Variants in VCAN observed in about 807,000 individuals in gnomAD.
The protein encoded by VCAN is versican, also known as versican core protein.
A neutral mutation model predicts 245.5 loss-of-function variants in VCAN; 44 were observed. That is an observed-to-expected ratio of 0.18 (90% CI 0.14 to 0.23). VCAN has a LOEUF of 0.23. VCAN is among the 10% of genes least tolerant of loss of function. The pLI is 1.00. For synonymous variants in VCAN, 1,413 were observed against 1,437.0 expected (o/e 0.98, Z 0.38); for missense variants, 3,793 against 4,057.9 (o/e 0.93, Z 1.77).
chr5:83,564,668 G>A (rs1376298346), intron 12 of VCAN, among the ~76,000 whole-genome samples: 2 of 147,308 alleles, frequency 1.4e-5, no homozygotes, highest in Non-Finnish European at 3.0e-5. Context: ...GGCTTTTGCA[G>A]GGTTTTTTAG....
At chr5:83,512,622 G>A in intron 6 of VCAN, 1 of 560,090 alleles carries the variant, frequency 1.8e-6, no homozygotes, top group South Asian at 2.2e-5. Context: ...GAAATATCAG[G>A]TTAAGCTGTA....
chr5:83,477,614 A>G (rs1311103057), intron 1 of VCAN, among the ~76,000 whole-genome samples: 1 of 152,248 alleles, frequency 6.6e-6, no homozygotes, highest in Non-Finnish European at 1.5e-5. Context: ...CATAAAACCC[A>G]GTGCCATTCT....
In VCAN at chr5:83,539,235, G is replaced by A. The variant is rs1746860941; in HGVS notation, c.6232G>A (p.Val2078Ile). The A allele has an allele frequency of 6.2e-7, 1 of 1,614,064 alleles. No homozygotes were observed. The change falls in exon 8 of 15, where the codon GTA (valine) becomes ATA (isoleucine). Residue 2078 changes from valine to isoleucine, a missense_variant. Physicochemically the swap from Val to Ile is conservative, Grantham distance 29. Coordinates refer to ENST00000265077, the MANE Select transcript of VCAN (RefSeq NM_004385.5). ...GAAAGCTCCAGTAGAGAAGGAGGAA[G>A]TAAAGGTCAGTGGCACAGTTTCAAC... ...GTKAPVEKEE[V>I]KVSGTVSTNF...
chr5:83,507,539 A>G (rs759263020), intron 5 of VCAN, among the ~76,000 whole-genome samples: 14 of 152,240 alleles, frequency 9.2e-5, no homozygotes, highest in Non-Finnish European at 1.2e-4. Flanking sequence ...TCATGTTGAG[A>G]GAGAGCAACT....
chr5:83,537,541 G>A lies in VCAN; in HGVS notation c.4538G>A (p.Gly1513Glu). 2 of 1,613,796 alleles carry A rather than the reference G, an allele frequency of 1.2e-6. No individual in the cohort carries two copies. Among genetic ancestry groups the A allele is most frequent in the Non-Finnish European group, 1.7e-6 (2 of 1,179,896 alleles). The change falls in exon 8 of 15, where the codon GGA becomes GAA. Residue 1513 changes from glycine to glutamate, a missense_variant. This residue lies in a region of VCAN where 3,182 missense variants were observed against 3,250.3 expected (regional missense o/e 0.98). Coordinates refer to ENST00000265077, the MANE Select transcript of VCAN (RefSeq NM_004385.5). ...TVPFHEEFES[G>E]TAKKGAESVT... ...CCATTCCATGAGGAATTTGAAAGTG[G>A]AACAGCCAAAAAAGGGGCAGAATCA... is the stretch of plus-strand genomic sequence containing the variant.
In VCAN at chr5:83,536,820, C is replaced by T. The variant is rs1030219426; in HGVS notation, c.4004-187C>T. ...ATAATGTTAAATTGAATTCATTTTT[C>T]TTATTGTTAATACAAAAACAGTAAA... On this transcript the variant is annotated intron_variant, in intron 7 of 14. Transcript: ENST00000265077. The T allele has an allele frequency of 2.2e-5, 11 of 508,274 alleles. No individual in the cohort carries two copies. The Admixed American group carries it at 4.1e-4, about 19-fold the overall frequency. The allele number at this position is 508,274 out of a possible 1,614,324, so 31.5% of individuals were successfully genotyped here.
intron 1 of VCAN, among the ~76,000 whole-genome samples, chr5:83,481,082 A>G (rs147990800): frequency 6.6e-6 from 1 of 152,244 alleles, no homozygotes; most frequent in Non-Finnish European, 1.5e-5. Flanking sequence ...AGAATGCAGA[A>G]CTTGCATTCT....
chr5:83,558,999 C>A (rs1386449020), intron 12 of VCAN, among the ~76,000 whole-genome samples: 1 of 152,048 alleles, frequency 6.6e-6, no homozygotes, highest in Non-Finnish European at 1.5e-5. Context: ...TTCTCCTAAC[C>A]TAGTTATTCT....
At chr5:83,511,860 T>C in intron 5 of VCAN, among the ~76,000 whole-genome samples, 1 of 152,210 alleles carries the variant, frequency 6.6e-6, no homozygotes, top group East Asian at 1.9e-4. Flanking sequence ...CTATGGCCAA[T>C]GTACACACAC....
rs187522747 is a variant in VCAN at position 83,560,196 on chromosome 5, C to A, written c.9735+5158C>A. On this transcript the variant is annotated intron_variant, in intron 12 of 14. Coordinates refer to ENST00000265077, the MANE Select transcript of VCAN (RefSeq NM_004385.5). ...ATGGAAAGTAAACTTTCAACCTCTG[C>A]CACCCCTGCAGGTTTGAGTTATATC... Among the ~76,000 whole-genome samples the A allele has an allele frequency of 2.5e-4, 38 of 152,160 alleles. No individual in the cohort carries two copies. The East Asian group carries it at 6.8e-3, about 27-fold the overall frequency.
intron 10 of VCAN, among the ~76,000 whole-genome samples, chr5:83,549,726 A>G (rs896397522): frequency 6.6e-6 from 1 of 152,110 alleles, no homozygotes; most frequent in Non-Finnish European, 1.5e-5. Context: ...GGTACTTTTT[A>G]TTGTATTTTC....
chr5:83,567,517 G>C (rs34953090), intron 12 of VCAN, among the ~76,000 whole-genome samples: 17,448 of 152,050 alleles, frequency 0.11, 1,178 homozygotes, highest in South Asian at 0.25. Flanking sequence ...GGCCAGGCTG[G>C]TCTCGAACTC....
intron 6 of VCAN, among the ~76,000 whole-genome samples, chr5:83,517,853 G>A (rs1049272861): frequency 2.6e-5 from 4 of 152,120 alleles, no homozygotes; most frequent in African/African-American, 9.7e-5. Context: ...AATCAGTGAA[G>A]CTGAGCTTTA....
intron 9 of VCAN, 69 bp from the exon 10 acceptor site, chr5:83,547,902 C>A: frequency 8.9e-7 from 1 of 1,120,454 alleles, no homozygotes; most frequent in Non-Finnish European, 1.4e-6. Flanking sequence ...TATCTTGCAA[C>A]CTCACACTAA....
chr5:83,487,181 T>G (rs13189086), intron 2 of VCAN, among the ~76,000 whole-genome samples: 39,329 of 152,132 alleles, frequency 0.26, 6,363 homozygotes, highest in Non-Finnish European at 0.37. Context: ...ATGAACTAGA[T>G]AGTGATATTT....
rs1042381898 is a variant in VCAN, at chr5:83,498,150, C to T, written c.748+4219C>T. 8.5e-5 allele frequency among the ~76,000 whole-genome samples: 13 copies of T among 152,140 alleles called. 1 individual carries two copies. Among genetic ancestry groups the T allele is most frequent in the South Asian group, 8.3e-4 (4 of 4,836 alleles). On this transcript the variant is annotated intron_variant, in intron 5 of 14. Transcript: ENST00000265077. ...ATTCTCTGTTTTTTTACACAAGCTTCCAGCACTTTGACAGGCCTATACTGT... is the reference window on the plus strand; with the variant it reads ...ATTCTCTGTTTTTTTACACAAGCTTTCAGCACTTTGACAGGCCTATACTGT...
chr5:83,556,692 T>C, intron 12 of VCAN, among the ~76,000 whole-genome samples: 1 of 152,172 alleles, frequency 6.6e-6, no homozygotes. Flanking sequence ...ACTGGCCTAT[T>C]AGATTAATAG....
intron 12 of VCAN, among the ~76,000 whole-genome samples, chr5:83,570,047 G>A (rs1046042067): frequency 6.6e-6 from 1 of 151,880 alleles, no homozygotes; most frequent in Non-Finnish European, 1.5e-5. Flanking sequence ...AAAAAAAAAG[G>A]GAAATAATTA....
intron 7 of VCAN, chr5:83,533,990 A>G (rs555343951): frequency 1.3e-5 from 2 of 152,162 alleles, no homozygotes; most frequent in Non-Finnish European, 2.9e-5. Context: ...CTGATTTACA[A>G]TTAGAGTTCT....
Sources: gnomAD v4.1 joint callset for allele counts (sites outside exome capture counted in the v4.1 genomes callset) on GRCh38, gnomAD v4.1.1 for gene constraint, gnomAD v4.1.1 regional missense constraint, MANE v1.5 for transcripts, NCBI Gene and HGNC (gene_info 2026-07-23, HGNC 2026-07-21) for gene names.